Variants in FSTL5 observed in about 807,000 individuals in gnomAD.
FSTL5 encodes follistatin-related protein 5.
Under a neutral mutation model 89.1 loss-of-function variants are expected in FSTL5, and 62 were observed. The ratio of observed to expected loss-of-function variants is 0.70; its 90% CI spans 0.57 to 0.86. The LOEUF (loss-of-function observed/expected upper bound fraction) is 0.86, where lower values mean the gene tolerates loss of function less well. FSTL5 is among the 40% of genes least tolerant of loss of function. The pLI is 0.00. For synonymous variants in FSTL5, 383 were observed against 346.2 expected (o/e 1.11, Z -1.18); for missense variants, 1,057 against 1,001.6 (o/e 1.06, Z -0.75).
chr4:161,624,488 T>G (rs1426025204), intron 7 of FSTL5, among the ~76,000 whole-genome samples: 1 of 151,798 alleles, frequency 6.6e-6, no homozygotes, highest in African/African-American at 2.4e-5. Context: ...AAATGTATAT[T>G]TATCATTTAT....
At chr4:161,827,898 G>A (rs1283287523) in intron 4 of FSTL5, among the ~76,000 whole-genome samples, 1 of 152,042 alleles carries the variant, frequency 6.6e-6, no homozygotes, top group East Asian at 1.9e-4. Flanking sequence ...TTCAGATTTC[G>A]TACCACCCTG....
At chr4:161,913,462 G>T (rs1426848221) in intron 4 of FSTL5, among the ~76,000 whole-genome samples, 1 of 152,158 alleles carries the variant, frequency 6.6e-6, no homozygotes, top group Non-Finnish European at 1.5e-5. Context: ...CCCAAGCCCT[G>T]GCAGCTTCCA....
At chr4:161,842,696 C>T (rs1031486133) in intron 4 of FSTL5, among the ~76,000 whole-genome samples, 2 of 151,970 alleles carry the variant, frequency 1.3e-5, no homozygotes, top group Non-Finnish European at 2.9e-5. Context: ...TGATTTTTGG[C>T]AAATATAAGT....
intron 1 of FSTL5, among the ~76,000 whole-genome samples, chr4:162,140,728 C>T (rs964606266): frequency 1.3e-5 from 2 of 152,036 alleles, no homozygotes; most frequent in African/African-American, 2.4e-5. Context: ...GTAGAAATAG[C>T]GCTGACTTGT....
intron 10 of FSTL5, among the ~76,000 whole-genome samples, chr4:161,533,510 A>G (rs534127042): frequency 6.2e-4 from 95 of 152,228 alleles, no homozygotes; most frequent in Non-Finnish European, 6.6e-4. Context: ...ATAACCCTTC[A>G]AGATTGAACA....
intron 7 of FSTL5, among the ~76,000 whole-genome samples, chr4:161,652,104 T>C (rs1271125651): frequency 2.0e-5 from 3 of 152,132 alleles, no homozygotes; most frequent in Non-Finnish European, 4.4e-5. Context: ...TACCACTTAG[T>C]TCAGTGACCT....
At chr4:161,695,484 T>A (rs1470138235) in intron 6 of FSTL5, among the ~76,000 whole-genome samples, 1 of 136,986 alleles carries the variant, frequency 7.3e-6, no homozygotes, top group East Asian at 2.0e-4. Context: ...ATATATCATA[T>A]ATATATATAT....
chr4:161,744,274 T>G (rs1028293833), intron 6 of FSTL5, among the ~76,000 whole-genome samples: 1 of 152,102 alleles, frequency 6.6e-6, no homozygotes, highest in Non-Finnish European at 1.5e-5. Context: ...GCACCACAAA[T>G]GTATGATTAT....
intron 15 of FSTL5, among the ~76,000 whole-genome samples, chr4:161,388,700 A>G (rs1316408256): frequency 6.6e-6 from 1 of 152,112 alleles, no homozygotes; most frequent in Non-Finnish European, 1.5e-5. Context: ...GAGGAAAAGC[A>G]GTACTAGGCT....
At chr4:161,509,696 A>G (rs1448731923) in intron 11 of FSTL5, among the ~76,000 whole-genome samples, 1 of 151,966 alleles carries the variant, frequency 6.6e-6, no homozygotes, top group Non-Finnish European at 1.5e-5. Flanking sequence ...GCTCACCAGG[A>G]GTGTAATGAT....
intron 13 of FSTL5, among the ~76,000 whole-genome samples, chr4:161,480,562 T>C (rs551657503): frequency 1.3e-5 from 2 of 152,214 alleles, no homozygotes; most frequent in Admixed American, 1.3e-4. Flanking sequence ...ATATTATTTA[T>C]TTTACTACTA....
At chr4:161,705,950 G>GTATATATATA (rs775369439) in intron 6 of FSTL5, among the ~76,000 whole-genome samples, 1 of 18,624 alleles carries the variant, frequency 5.4e-5, no homozygotes, top group African/African-American at 1.2e-4. Context: ...GTGTAGATGT[G>GTATATATATA]TGTATATATA....
chr4:161,745,023 A>G (rs1321151883), intron 6 of FSTL5, among the ~76,000 whole-genome samples: 2 of 151,790 alleles, frequency 1.3e-5, no homozygotes, highest in Non-Finnish European at 1.5e-5. Flanking sequence ...TAGTTTCCGG[A>G]GGAAAAAAAA....
At chr4:161,545,698 A>G (rs1731981831) in intron 8 of FSTL5, among the ~76,000 whole-genome samples, 3 of 152,002 alleles carry the variant, frequency 2.0e-5, no homozygotes, top group African/African-American at 7.2e-5. Context: ...TACTAGTTGC[A>G]TTCCATTTAA....
chr4:161,577,516 G>C (rs1229653365), intron 8 of FSTL5, among the ~76,000 whole-genome samples: 1 of 143,846 alleles, frequency 7.0e-6, no homozygotes, highest in Non-Finnish European at 1.5e-5. Context: ...GTGTATAATT[G>C]TCTTGGCTTT....
intron 10 of FSTL5, among the ~76,000 whole-genome samples, chr4:161,537,577 A>C (rs1417909842): frequency 6.6e-6 from 1 of 152,204 alleles, no homozygotes; most frequent in Non-Finnish European, 1.5e-5. Flanking sequence ...AGAGAAGAAG[A>C]CATTTGGGGT....
At chr4:162,153,430 T>C (rs1408878969) in intron 1 of FSTL5, among the ~76,000 whole-genome samples, 1 of 151,420 alleles carries the variant, frequency 6.6e-6, no homozygotes, top group Non-Finnish European at 1.5e-5. Flanking sequence ...TATTACACTT[T>C]GGCCTTATTA....
intron 4 of FSTL5, among the ~76,000 whole-genome samples, chr4:161,875,270 GAGTTTTTATGC>G: frequency 6.6e-6 from 1 of 152,238 alleles, no homozygotes. Flanking sequence ...TACTCCCCTT[GAGTTTTTATGC>G]AGGGCAAATA....
intron 4 of FSTL5, among the ~76,000 whole-genome samples, chr4:161,812,158 G>A (rs1209301862): frequency 1.3e-5 from 2 of 152,082 alleles, no homozygotes; most frequent in South Asian, 2.1e-4. Context: ...TTGCATTTTA[G>A]GCAACATTAG....
Sources: gnomAD v4.1 joint callset for allele counts (sites outside exome capture counted in the v4.1 genomes callset) on GRCh38, gnomAD v4.1.1 for gene constraint, MANE v1.5 for transcripts, NCBI Gene and HGNC (gene_info 2026-07-23, HGNC 2026-07-21) for gene names.